The following SH3PXD2A variants were observed in gnomAD, a reference collection of about 807,000 sequenced individuals.
SH3PXD2A encodes SH3 and PX domains 2A, also known as SH3 and PX domain-containing protein 2A.
Under a neutral mutation model 115.2 loss-of-function variants are expected in SH3PXD2A, and 32 were observed. That is an observed-to-expected ratio of 0.28 (90% CI 0.21 to 0.37). SH3PXD2A has a LOEUF of 0.37. SH3PXD2A is among the 10% of genes least tolerant of loss of function. SH3PXD2A has a pLI of 1.00. For missense variants in SH3PXD2A, 1,328 were observed against 1,498.7 expected (o/e 0.89, Z 1.88); for synonymous variants, 610 against 629.1 (o/e 0.97, Z 0.45).
chr10:103,792,915 G>T (rs1339701426), intron 2 of SH3PXD2A, among the ~76,000 whole-genome samples: 1 of 152,192 alleles, frequency 6.6e-6, no homozygotes, highest in African/African-American at 2.4e-5. Flanking sequence ...GATCTAGAAT[G>T]ATGGTCCAGG....
intron 1 of SH3PXD2A, among the ~76,000 whole-genome samples, chr10:103,848,502 C>T (rs1410438483): frequency 6.6e-6 from 1 of 152,166 alleles, no homozygotes; most frequent in Non-Finnish European, 1.5e-5. Flanking sequence ...TCCAAGGTGT[C>T]TACAGAATAA....
chr10:103,699,087 G>A (rs970952928), intron 5 of SH3PXD2A, among the ~76,000 whole-genome samples: 2 of 152,218 alleles, frequency 1.3e-5, no homozygotes, highest in African/African-American at 4.8e-5. Flanking sequence ...GGAAAATTTT[G>A]TTAAGAGGAG....
rs371866054 is a variant in SH3PXD2A, at chr10:103,602,080, C to T, written c.3138G>A (p.Leu1046=). 1 of 1,600,850 alleles carries T rather than the reference C, an allele frequency of 6.2e-7. No individual in the cohort carries two copies. The highest frequency in any genetic ancestry group is 8.5e-7 in the Non-Finnish European group (1 of 1,172,236). The change falls in exon 15 of 15, where the codon CTG becomes CTA. Residue 1046 remains leucine, a synonymous_variant. Transcript: ENST00000369774. ...CGGGTATGCTGTTGCGCTGGGCGGGCAGTAGGGGTGAGTCTGAACCCTGGC... is the reference window on the plus strand; with the variant it reads ...CGGGTATGCTGTTGCGCTGGGCGGGTAGTAGGGGTGAGTCTGAACCCTGGC... ...AASQGSDSPL[L]PAQRNSIPVS...
intron 2 of SH3PXD2A, among the ~76,000 whole-genome samples, chr10:103,786,900 C>A (rs2038986625): frequency 1.3e-5 from 2 of 152,182 alleles, no homozygotes; most frequent in Non-Finnish European, 2.9e-5. Context: ...TCCCTAAGCT[C>A]CTTCCTTCCT....
intron 1 of SH3PXD2A, among the ~76,000 whole-genome samples, chr10:103,839,273 C>T (rs961631005): frequency 6.6e-6 from 1 of 152,152 alleles, no homozygotes; most frequent in Non-Finnish European, 1.5e-5. Context: ...CGACACGAGG[C>T]CAAGCAAATT....
chr10:103,661,547 C>G lies in SH3PXD2A; in HGVS notation c.473-433G>C, dbSNP rs191026917. 4.3e-3 allele frequency: 2,724 copies of G among 638,728 alleles called. 8 individuals are homozygous for G. The highest frequency in any genetic ancestry group is 4.9e-3 in the Non-Finnish European group (2,537 of 512,822). 39.6% of individuals were successfully genotyped at this position (638,728 alleles called of 1,614,324 possible). ...CAGGGGCATCGGGGAGGGCGGCGAG[C>G]CAGCGGGTGGGCGGCCCATGAGGGC... is the stretch of plus-strand genomic sequence containing the variant. On this transcript the variant is annotated intron_variant, in intron 7 of 14. Coordinates refer to ENST00000369774, the MANE Select transcript of SH3PXD2A (RefSeq NM_001394015.1).
intron 13 of SH3PXD2A, among the ~76,000 whole-genome samples, chr10:103,608,150 T>TAAAAAAAAAAAAAAAAAGTTAACA (rs768102863): frequency 3.1e-5 from 1 of 32,660 alleles, no homozygotes; most frequent in Non-Finnish European, 4.5e-5. Flanking sequence ...ATGATCAATT[T>TAAAAAAAAAAAAAAAAAGTTAACA]AAAAAAAAAA....
At position 103,603,236 on chromosome 10, in the gene SH3PXD2A, C is replaced by G; in HGVS notation, c.1982G>C (p.Gly661Ala). Residue 661 changes from glycine to alanine, a missense_variant, in exon 15 of 15, where the codon GGC (glycine) becomes GCC (alanine). By Grantham distance (60) the Gly-to-Ala change is moderately conservative. This residue lies in a region of SH3PXD2A where 574 missense variants were observed against 565.7 expected (regional missense o/e 1.01). Transcript: ENST00000369774. ...SLTRKNSPKSGSPKSSSLLKL... is the reference protein window; with the variant it reads ...SLTRKNSPKSASPKSSSLLKL... ...TAGGAGTGATGATGACTTGGGGGAG[C>G]CTGATTTGGGGGAGTTTTTCCTGGT... The G allele has an allele frequency of 6.2e-7, 1 of 1,613,824 alleles. No homozygotes were observed. Among genetic ancestry groups the G allele is most frequent in the South Asian group, 1.1e-5 (1 of 91,084 alleles).
Position 103,660,388 on chromosome 10 carries a change from C to T in SH3PXD2A, c.604+595G>A, listed in dbSNP as rs151170477. ...CTGTCAGTACGGCCCCTGTCAGTGC[C>T]GGACCTTGCCTGGCCCAGGCCTGGC... On this transcript the variant is annotated intron_variant, in intron 8 of 14. Coordinates refer to ENST00000369774, the MANE Select transcript of SH3PXD2A (RefSeq NM_001394015.1). Among the ~76,000 whole-genome samples the T allele has an allele frequency of 4.7e-3, 715 of 152,316 alleles. 3 individuals carry two copies. The highest frequency in any genetic ancestry group is 7.2e-3 in the Non-Finnish European group (490 of 68,016).
intron 2 of SH3PXD2A, among the ~76,000 whole-genome samples, chr10:103,792,927 A>C (rs1249829400): frequency 6.6e-6 from 1 of 152,198 alleles, no homozygotes. Context: ...TGGTCCAGGA[A>C]ATATGAGGTA....
Position 103,603,707 on chromosome 10 carries a change from T to G in SH3PXD2A, c.1511A>C (p.Lys504Thr), listed in dbSNP as rs1375127496. ...EGWAPASYID[K>T]RKKPNLSRRT... is the part of the protein sequence containing the mutation. Reference sequence around the variant, plus strand: ...GCGGCTCAGGTTGGGCTTCTTGCGCTTATCGATGTATGATGCGGGGGCCCA... The same window carrying G: ...GCGGCTCAGGTTGGGCTTCTTGCGCGTATCGATGTATGATGCGGGGGCCCA... The change falls in exon 15 of 15, where the codon AAG (lysine) becomes ACG (threonine). Residue 504 changes from lysine to threonine, a missense_variant. Physicochemically the swap from Lys to Thr is moderately conservative, Grantham distance 78. Around this residue, in one of 5 missense-constraint regions of SH3PXD2A, gnomAD observed 509 missense variants for 628.3 expected, o/e 0.81. Coordinates refer to ENST00000369774, the MANE Select transcript of SH3PXD2A (RefSeq NM_001394015.1). The G allele has an allele frequency of 1.9e-6, 3 of 1,610,638 alleles. No individual in the cohort carries two copies. Among genetic ancestry groups the G allele is most frequent in the Non-Finnish European group, 2.5e-6 (3 of 1,179,692 alleles).
intron 5 of SH3PXD2A, among the ~76,000 whole-genome samples, chr10:103,720,243 C>A (rs191214885): frequency 2.0e-5 from 3 of 152,362 alleles, no homozygotes; most frequent in Admixed American, 2.0e-4. Flanking sequence ...GGGCGCAAAT[C>A]CCATTATCCT....
chr10:103,624,413 C>T (rs922040261), intron 9 of SH3PXD2A, among the ~76,000 whole-genome samples: 4 of 152,266 alleles, frequency 2.6e-5, no homozygotes, highest in East Asian at 3.9e-4. Flanking sequence ...CAAATGAACC[C>T]GAGGGCTTGA....
chr10:103,666,422 C>T lies in SH3PXD2A; in HGVS notation c.472+2186G>A, dbSNP rs2037384591. On this transcript the variant is annotated intron_variant, in intron 7 of 14. Coordinates refer to ENST00000369774, the MANE Select transcript of SH3PXD2A (RefSeq NM_001394015.1). The surrounding 1 kb of genome is among the most constrained non-coding windows in gnomAD (Gnocchi z 4.5). ...AGGAGGCTCCTGATCACTCTTGTTCCCTCTTTTCTGTTCCCTCCTGGACTT... is the reference window on the plus strand; with the variant it reads ...AGGAGGCTCCTGATCACTCTTGTTCTCTCTTTTCTGTTCCCTCCTGGACTT... Among the ~76,000 whole-genome samples, 1 of 152,232 alleles carries T rather than the reference C, an allele frequency of 6.6e-6. No individual in the cohort carries two copies. The highest frequency in any genetic ancestry group is 2.4e-5 in the African/African-American group (1 of 41,456).
At chr10:103,721,092 G>A (rs775895523) in intron 5 of SH3PXD2A, among the ~76,000 whole-genome samples, 5 of 152,304 alleles carry the variant, frequency 3.3e-5, no homozygotes, top group African/African-American at 9.6e-5. Context: ...GTGATGGAGC[G>A]GCCAAATGCT....
At chr10:103,773,565 G>C (rs2038851743) in intron 2 of SH3PXD2A, among the ~76,000 whole-genome samples, 1 of 151,706 alleles carries the variant, frequency 6.6e-6, no homozygotes, top group Admixed American at 6.6e-5. Context: ...TCAGCCTCTT[G>C]AGTAGCTGGG....
At chr10:103,793,419 G>T (rs1434129866) in intron 2 of SH3PXD2A, among the ~76,000 whole-genome samples, 1 of 152,126 alleles carries the variant, frequency 6.6e-6, no homozygotes, top group Non-Finnish European at 1.5e-5. Context: ...ATCCACCCAT[G>T]GATCAGTCTC....
At chr10:103,747,704 C>T (rs1037062828) in intron 3 of SH3PXD2A, among the ~76,000 whole-genome samples, 6 of 152,136 alleles carry the variant, frequency 3.9e-5, no homozygotes, top group Non-Finnish European at 7.4e-5. Flanking sequence ...AGAGGCCTGT[C>T]GGTAAAGGGC....
At chr10:103,727,948 T>A (rs1434385064) in intron 4 of SH3PXD2A, among the ~76,000 whole-genome samples, 1 of 152,250 alleles carries the variant, frequency 6.6e-6, no homozygotes, top group Non-Finnish European at 1.5e-5. Context: ...CAGCCTGGGC[T>A]GGTGATGATG....
Sources: allele counts gnomAD v4.1 joint callset (sites outside exome capture counted in the v4.1 genomes callset), GRCh38; gene constraint gnomAD v4.1.1; regional missense constraint gnomAD v4.1.1; non-coding constraint Gnocchi (gnomAD v3.1); transcripts MANE v1.5; gene names NCBI Gene and HGNC (gene_info 2026-07-23, HGNC 2026-07-21).